The following CUX2 variants were observed in gnomAD, a reference collection of about 807,000 sequenced individuals.
The protein encoded by CUX2 is cut like homeobox 2, also known as homeobox protein cut-like 2.
CUX2 carries 40 observed loss-of-function variants against 144.8 expected under a neutral mutation model. That is an observed-to-expected ratio of 0.28 (90% confidence interval 0.21 to 0.36). CUX2 has a LOEUF of 0.36. Ranked by LOEUF, CUX2 falls within the 10% of genes least tolerant of loss-of-function variation. The probability of loss-of-function intolerance (pLI) is 1.00; values close to 1 mark genes in which losing one functional copy is unlikely to be tolerated. For synonymous variants in CUX2, 827 were observed against 875.6 expected, an observed-to-expected ratio of 0.94 and a Z score of 0.98; for missense variants, 1,615 against 1,994.0, an observed-to-expected ratio of 0.81 and a Z score of 3.62.
intron 1 of CUX2, among the ~76,000 whole-genome samples, chr12:111,189,980 T>G (rs150985918): frequency 3.9e-5 from 6 of 152,232 alleles, no homozygotes; most frequent in Non-Finnish European, 5.9e-5. Flanking sequence ...CACATCCTTG[T>G]CAACACTTGG....
chr12:111,289,264 C>T lies in CUX2; in HGVS notation c.302-2154C>T, dbSNP rs1292072368. On this transcript the variant is annotated intron_variant, in intron 4 of 21. Coordinates refer to ENST00000261726, the MANE Select transcript of CUX2 (RefSeq NM_015267.4). This position sits in a 1 kb window ranked among gnomAD's most constrained non-coding sequence, Gnocchi z 4.1. ...TGGCTTTCCTGGGTGCCATGGACAC[C>T]ATCTGCACCTGCTGGGGCTGTCAAG... is the stretch of plus-strand genomic sequence containing the variant. 1.3e-5 allele frequency among the ~76,000 whole-genome samples: 2 copies of T among 152,190 alleles called. No individual in the cohort carries two copies. Among genetic ancestry groups the T allele is most frequent in the Non-Finnish European group, 2.9e-5 (2 of 68,038 alleles).
chr12:111,328,975 C>CTCTCTCTCTCTCTCTCTCTCTCTCTCTCT (rs1491501890), intron 18 of CUX2, among the ~76,000 whole-genome samples: 6 of 65,666 alleles, frequency 9.1e-5, no homozygotes, highest in Admixed American at 1.6e-4. Context: ...CTCTCTCTCT[C>CTCTCTCTCTCTCTCTCTCTCTCTCTCTCT]CCCCTCTCTC....
At chr12:111,138,939 C>A (rs1197027903) in intron 1 of CUX2, among the ~76,000 whole-genome samples, 1 of 151,972 alleles carries the variant, frequency 6.6e-6, no homozygotes, top group Non-Finnish European at 1.5e-5. Context: ...CTCCTGCCCC[C>A]ACCTGCTTCC....
chr12:111,110,998 T>C (rs536970679), intron 1 of CUX2, among the ~76,000 whole-genome samples: 14 of 152,326 alleles, frequency 9.2e-5, no homozygotes, highest in Admixed American at 3.9e-4. Flanking sequence ...AGAAACATCA[T>C]TAGTTCAAGA....
At chr12:111,290,867 CT>C (rs35377571) in intron 4 of CUX2, among the ~76,000 whole-genome samples, 21,211 of 141,320 alleles carry the variant, frequency 0.15, 3,066 homozygotes, top group African/African-American at 0.38. Context: ...CTCAGCCAAC[CT>C]TTTTTTTTTT....
intron 18 of CUX2, among the ~76,000 whole-genome samples, chr12:111,327,764 T>C (rs545126563): frequency 9.2e-5 from 14 of 152,062 alleles, no homozygotes; most frequent in African/African-American, 3.1e-4. Context: ...TCTCCCAGAA[T>C]AGGAAGCCAA....
At position 111,293,704 on chromosome 12, in the gene CUX2, C is replaced by T. The variant is rs1052733480; in HGVS notation, c.560+135C>T. ...GCTGGAGACCGAGATGAGAAAGGGCCGAGGGCTTTGGACTCCAACCGGGTC... is the reference window on the plus strand; with the variant it reads ...GCTGGAGACCGAGATGAGAAAGGGCTGAGGGCTTTGGACTCCAACCGGGTC... On this transcript the variant is annotated intron_variant, in intron 6 of 21. Transcript: ENST00000261726. The surrounding 1 kb of genome is among the most constrained non-coding windows in gnomAD (Gnocchi z 4.5). The T allele has an allele frequency of 3.4e-5, 44 of 1,309,294 alleles. No individual in the cohort carries two copies. The highest frequency in any genetic ancestry group is 2.1e-4 in the East Asian group (8 of 38,782). 81.1% of individuals were successfully genotyped at this position (1,309,294 alleles called of 1,614,324 possible). A position where few individuals can be genotyped will look rare whatever the true frequency, so the allele number is the denominator to read the frequency against.
chr12:111,276,643 G>GTTTGTTTTGT (rs60318566), intron 4 of CUX2, among the ~76,000 whole-genome samples: 48 of 151,106 alleles, frequency 3.2e-4, no homozygotes, highest in African/African-American at 1.1e-3. Flanking sequence ...TTGTTTGTTT[G>GTTTGTTTTGT]TTTGTTTTGT....
intron 3 of CUX2, among the ~76,000 whole-genome samples, chr12:111,259,416 A>G (rs1883999098): frequency 1.3e-5 from 2 of 152,164 alleles, no homozygotes; most frequent in Admixed American, 1.3e-4. Flanking sequence ...CCTTTGTTCC[A>G]ATAAAACTTT....
intron 1 of CUX2, among the ~76,000 whole-genome samples, chr12:111,065,555 C>G (rs987849030): frequency 6.6e-6 from 1 of 152,194 alleles, no homozygotes; most frequent in Non-Finnish European, 1.5e-5. Context: ...AGGCTGGTCT[C>G]GAACTCCTGA....
chr12:111,101,838 A>G (rs908856682), intron 1 of CUX2, among the ~76,000 whole-genome samples: 6 of 152,152 alleles, frequency 3.9e-5, no homozygotes, highest in African/African-American at 1.4e-4. Context: ...GCTATGTGTG[A>G]TATCAGGCAG....
chr12:111,112,152 G>A, intron 1 of CUX2, among the ~76,000 whole-genome samples: 1 of 152,136 alleles, frequency 6.6e-6, no homozygotes, highest in East Asian at 1.9e-4. Context: ...AAGAAGGGTC[G>A]AGTGGCTCAG....
intron 3 of CUX2, among the ~76,000 whole-genome samples, chr12:111,261,341 G>A (rs1009909197): frequency 6.6e-6 from 1 of 152,132 alleles, no homozygotes; most frequent in Non-Finnish European, 1.5e-5. Context: ...GTAAACGGTC[G>A]ATGCCATTTG....
At chr12:111,148,367 G>A (rs1186163480) in intron 1 of CUX2, among the ~76,000 whole-genome samples, 3 of 152,046 alleles carry the variant, frequency 2.0e-5, no homozygotes, top group Non-Finnish European at 4.4e-5. Flanking sequence ...GGGTGTCTGG[G>A]GCGGGTGGCG....
Position 111,348,040 on chromosome 12 carries a change from G to A in CUX2, c.4176G>A (p.Glu1392=). Residue 1392 remains glutamate (E), a synonymous_variant, in exon 22 of 22, where the codon GAG becomes GAA. Coordinates refer to ENST00000261726, the MANE Select transcript of CUX2 (RefSeq NM_015267.4). ...CAGAGTCCTCACGCTGCAGCCTGGA[G>A]GTGTCACTGAACTCGCCCTCGGCCG... ...SASESSRCSL[E]VSLNSPSAAS... 1 of 1,614,096 alleles carries A rather than the reference G, an allele frequency of 6.2e-7. No individual in the cohort carries two copies. The highest frequency in any genetic ancestry group is 8.5e-7 in the Non-Finnish European group (1 of 1,180,036).
chr12:111,155,649 C>A (rs1217503818), intron 1 of CUX2, among the ~76,000 whole-genome samples: 1 of 152,176 alleles, frequency 6.6e-6, no homozygotes, highest in African/African-American at 2.4e-5. Flanking sequence ...GAGGGAATGG[C>A]AGACCCGGAC....
intron 1 of CUX2, among the ~76,000 whole-genome samples, chr12:111,083,052 C>T (rs1871992827): frequency 6.6e-6 from 1 of 152,112 alleles, no homozygotes; most frequent in Admixed American, 6.5e-5. Flanking sequence ...TTTTAGGGTG[C>T]TTAGCAGCCT....
rs555745177 is a variant in CUX2, at chr12:111,246,715, C to T, written c.223-17046C>T. On this transcript the variant is annotated intron_variant, in intron 3 of 21. Coordinates refer to ENST00000261726, the MANE Select transcript of CUX2 (RefSeq NM_015267.4). The surrounding 1 kb of genome is among the most constrained non-coding windows in gnomAD (Gnocchi z 4.0). ...GGACTGTGGGTGTTGTCTGGCAAGG[C>T]GAGGTCCTTTCTCACCTCTCACCTT... is the stretch of plus-strand genomic sequence containing the variant. Among the ~76,000 whole-genome samples the T allele has an allele frequency of 1.3e-5, 2 of 152,304 alleles. No individual in the cohort carries two copies. The highest frequency in any genetic ancestry group is 2.4e-5 in the African/African-American group (1 of 41,570).
At chr12:111,316,285 T>TGC (rs1339859258) in intron 16 of CUX2, among the ~76,000 whole-genome samples, 61 of 149,616 alleles carry the variant, frequency 4.1e-4, no homozygotes, top group Non-Finnish European at 6.2e-4. Flanking sequence ...ATTACAGGCA[T>TGC]GTGCCACCAC....
Sources: allele counts gnomAD v4.1 joint callset (sites outside exome capture counted in the v4.1 genomes callset), GRCh38; gene constraint gnomAD v4.1.1; non-coding constraint Gnocchi (gnomAD v3.1); transcripts MANE v1.5; gene names NCBI Gene and HGNC (gene_info 2026-07-23, HGNC 2026-07-21).